TCF4: variants seen among roughly 807,000 people sequenced by gnomAD.
TCF4 encodes the protein transcription factor 4.
Under a neutral mutation model 82.1 loss-of-function variants are expected in TCF4, and 3 were observed. That is an observed-to-expected ratio of 0.04 (90% confidence interval 0.02 to 0.09). The LOEUF is 0.09. Among genes scored for constraint, TCF4 ranks in the 10% least tolerant of loss-of-function variants. TCF4 has a pLI of 1.00. For missense variants in TCF4, 518 were observed against 852.7 expected, an observed-to-expected ratio of 0.61 and a Z score of 4.89; for synonymous variants, 276 against 309.6, an observed-to-expected ratio of 0.89 and a Z score of 1.14.
intron 3 of TCF4, among the ~76,000 whole-genome samples, chr18:55,549,422 C>T (rs748568123): frequency 1.3e-5 from 2 of 152,064 alleles, no homozygotes; most frequent in African/African-American, 2.4e-5. Context: ...TTTGTAATAA[C>T]ACTTAGCTGA....
intron 3 of TCF4, among the ~76,000 whole-genome samples, chr18:55,581,078 C>A (rs1448452752): frequency 6.6e-6 from 1 of 151,808 alleles, no homozygotes; most frequent in Non-Finnish European, 1.5e-5. Flanking sequence ...AGAGAATGAT[C>A]AATAATCCAA....
At chr18:55,279,170 C>G (rs1468824238) in intron 9 of TCF4, among the ~76,000 whole-genome samples, 1 of 152,094 alleles carries the variant, frequency 6.6e-6, no homozygotes, top group Non-Finnish European at 1.5e-5. Context: ...CCAACTTGTT[C>G]CCAGTTGGCT....
intron 3 of TCF4, among the ~76,000 whole-genome samples, chr18:55,467,233 A>G (rs2145032533): frequency 6.6e-6 from 1 of 152,322 alleles, no homozygotes; most frequent in African/African-American, 2.4e-5. Flanking sequence ...TTCATAATGA[A>G]TGTAAACATG....
chr18:55,454,690 G>A (rs549956003), intron 5 of TCF4, among the ~76,000 whole-genome samples: 65 of 152,262 alleles, frequency 4.3e-4, no homozygotes, highest in Middle Eastern at 3.4e-3. Context: ...AAATAGAGAT[G>A]AATGGATTAG....
chr18:55,243,418 T>C (rs576949963), intron 15 of TCF4, among the ~76,000 whole-genome samples: 3 of 152,338 alleles, frequency 2.0e-5, no homozygotes, highest in East Asian at 3.9e-4. Flanking sequence ...TGATTCACTC[T>C]TATTTAATTG....
chr18:55,533,629 A>G (rs1603619698), intron 3 of TCF4, among the ~76,000 whole-genome samples: 1 of 152,232 alleles, frequency 6.6e-6, no homozygotes, highest in South Asian at 2.1e-4. Context: ...GTTTTTCACA[A>G]TGAAACATTT....
At chr18:55,392,827 C>T (rs1403159593) in intron 6 of TCF4, among the ~76,000 whole-genome samples, 1 of 152,058 alleles carries the variant, frequency 6.6e-6, no homozygotes, top group Admixed American at 6.5e-5. Flanking sequence ...ATATGTTTCC[C>T]ATATAGTGGG....
At chr18:55,280,912 T>G (rs2062470939) in intron 8 of TCF4, among the ~76,000 whole-genome samples, 2 of 150,620 alleles carry the variant, frequency 1.3e-5, no homozygotes, top group South Asian at 4.3e-4. Context: ...GAGACAGATG[T>G]GGGAAAATAT....
intron 3 of TCF4, among the ~76,000 whole-genome samples, chr18:55,469,882 C>G (rs979432756): frequency 4.6e-5 from 7 of 152,110 alleles, no homozygotes; most frequent in African/African-American, 1.7e-4. Flanking sequence ...CCACAGAAAA[C>G]TAAAAATGAT....
chr18:55,282,331 A>AC (rs2062789866), intron 8 of TCF4, among the ~76,000 whole-genome samples: 1 of 152,056 alleles, frequency 6.6e-6, no homozygotes, highest in Non-Finnish European at 1.5e-5. Flanking sequence ...TTGATAGGGT[A>AC]CTTTTTTTTA....
At chr18:55,379,930 G>A (rs2091589146) in intron 6 of TCF4, among the ~76,000 whole-genome samples, 1 of 152,162 alleles carries the variant, frequency 6.6e-6, no homozygotes, top group Admixed American at 6.5e-5. Flanking sequence ...CTGGAGTGCA[G>A]TGGCATGATC....
intron 3 of TCF4, among the ~76,000 whole-genome samples, chr18:55,537,827 C>T (rs1487690956): frequency 6.6e-6 from 1 of 151,934 alleles, no homozygotes; most frequent in Admixed American, 6.6e-5. Context: ...GGTCTAAGCC[C>T]CTCCTATATA....
chr18:55,509,625 T>C (rs2096802516), intron 3 of TCF4, among the ~76,000 whole-genome samples: 1 of 152,154 alleles, frequency 6.6e-6, no homozygotes, highest in Admixed American at 6.5e-5. Flanking sequence ...TAATGTGACA[T>C]CCAAAATGAT....
intron 3 of TCF4, among the ~76,000 whole-genome samples, chr18:55,491,457 T>G (rs1317424212): frequency 6.6e-6 from 1 of 152,208 alleles, no homozygotes; most frequent in Admixed American, 6.5e-5. Flanking sequence ...TAACTATCCA[T>G]CTGCATATGC....
intron 5 of TCF4, among the ~76,000 whole-genome samples, chr18:55,434,915 T>C (rs2095297320): frequency 6.6e-6 from 1 of 152,066 alleles, no homozygotes. Flanking sequence ...AACTCAAGCA[T>C]TTATCCTTTA....
At chr18:55,565,769 C>CAA (rs550227672) in intron 3 of TCF4, among the ~76,000 whole-genome samples, 1 of 142,892 alleles carries the variant, frequency 7.0e-6, no homozygotes, top group African/African-American at 2.6e-5. Context: ...ACTATGAAGC[C>CAA]AAAAAAAAAA....
At chr18:55,399,292 G>A (rs553506314) in intron 6 of TCF4, among the ~76,000 whole-genome samples, 1 of 152,198 alleles carries the variant, frequency 6.6e-6, no homozygotes, top group African/African-American at 2.4e-5. Context: ...CAAGCCTATG[G>A]GCAAACTAAG....
At chr18:55,393,293 G>T (rs771338361) in intron 6 of TCF4, among the ~76,000 whole-genome samples, 14 of 152,154 alleles carry the variant, frequency 9.2e-5, no homozygotes, top group Non-Finnish European at 4.4e-5. Flanking sequence ...GAGCCCAGGA[G>T]TTCAAGGTTG....
At chr18:55,422,267 G>T in intron 5 of TCF4, 1 of 985,340 alleles carries the variant, frequency 1.0e-6, no homozygotes, top group Non-Finnish European at 1.2e-6. Flanking sequence ...CAAAAAGCAT[G>T]TGGATGAATA....
Sources: gnomAD v4.1 joint callset for allele counts (sites outside exome capture counted in the v4.1 genomes callset) on GRCh38, gnomAD v4.1.1 for gene constraint, MANE v1.5 for transcripts, NCBI Gene and HGNC (gene_info 2026-07-23, HGNC 2026-07-21) for gene names.